The following KCNQ5 variants were observed in gnomAD, a reference collection of about 807,000 sequenced individuals.
KCNQ5 encodes the protein potassium voltage-gated channel subfamily KQT member 5.
In KCNQ5, 30 loss-of-function variants were observed where a neutral mutation model predicts 98.2. The ratio of observed to expected loss-of-function variants is 0.31; its 90% CI spans 0.23 to 0.41. The LOEUF is 0.41. KCNQ5 is among the 10% of genes least tolerant of loss of function. KCNQ5 has a pLI of 1.00. For missense variants in KCNQ5, 835 were observed against 1,182.5 expected (o/e 0.71, Z 4.31); for synonymous variants, 458 against 449.4 (o/e 1.02, Z -0.24).
intron 1 of KCNQ5, among the ~76,000 whole-genome samples, chr6:72,920,037 C>G (rs1235736473): frequency 1.3e-5 from 2 of 152,176 alleles, no homozygotes; most frequent in Non-Finnish European, 2.9e-5. Context: ...CACAGTGGCT[C>G]AAGCCTGAAA....
At chr6:73,048,544 G>T (rs990396338) in intron 3 of KCNQ5, among the ~76,000 whole-genome samples, 2 of 152,166 alleles carry the variant, frequency 1.3e-5, no homozygotes, top group African/African-American at 4.8e-5. Context: ...GGCCTAATAT[G>T]AATACTATTC....
chr6:72,761,368 T>C (rs1054801177), intron 1 of KCNQ5, among the ~76,000 whole-genome samples: 1 of 152,010 alleles, frequency 6.6e-6, no homozygotes, highest in Non-Finnish European at 1.5e-5. Context: ...TATATTTCAG[T>C]AGATTCAGAT....
intron 1 of KCNQ5, among the ~76,000 whole-genome samples, chr6:72,760,447 CGTGT>C (rs10607088): frequency 0.26 from 38,864 of 147,740 alleles, 4,972 homozygotes; most frequent in Admixed American, 0.31. Flanking sequence ...TTCAGGAGTA[CGTGT>C]GTGTGTGTGT....
At chr6:72,757,188 A>G (rs112075158) in intron 1 of KCNQ5, among the ~76,000 whole-genome samples, 21 of 152,144 alleles carry the variant, frequency 1.4e-4, no homozygotes, top group Non-Finnish European at 2.8e-4. Context: ...AGTTTTTCAT[A>G]TAGTGTGCTC....
At chr6:72,781,221 C>T (rs907037157) in intron 1 of KCNQ5, among the ~76,000 whole-genome samples, 1 of 152,112 alleles carries the variant, frequency 6.6e-6, no homozygotes, top group Admixed American at 6.6e-5. Flanking sequence ...TGGGATGATG[C>T]AGCCACAAGC....
At chr6:73,072,218 A>G (rs1163361017) in intron 3 of KCNQ5, among the ~76,000 whole-genome samples, 1 of 152,204 alleles carries the variant, frequency 6.6e-6, no homozygotes, top group Non-Finnish European at 1.5e-5. Flanking sequence ...GTCTCCAGAC[A>G]GTTTCTAGAA....
intron 11 of KCNQ5, among the ~76,000 whole-genome samples, chr6:73,176,472 A>G (rs1778217982): frequency 6.6e-6 from 1 of 152,094 alleles, no homozygotes; most frequent in African/African-American, 2.4e-5. Context: ...TTATTTATAA[A>G]TTTTTCAGTC....
intron 1 of KCNQ5, among the ~76,000 whole-genome samples, chr6:72,717,839 C>A (rs539809611): frequency 6.6e-6 from 1 of 152,244 alleles, no homozygotes; most frequent in South Asian, 2.1e-4. Context: ...ATATTCCTAG[C>A]ACTAAGGAGG....
intron 1 of KCNQ5, among the ~76,000 whole-genome samples, chr6:72,672,058 C>T (rs1189375476): frequency 2.0e-5 from 3 of 151,626 alleles, no homozygotes; most frequent in African/African-American, 4.8e-5. Flanking sequence ...CCTCATGATC[C>T]GCCCGCCTCG....
intron 1 of KCNQ5, among the ~76,000 whole-genome samples, chr6:72,696,638 T>A (rs1768518566): frequency 6.6e-6 from 1 of 152,208 alleles, no homozygotes; most frequent in Admixed American, 6.5e-5. Flanking sequence ...AAATTAGTGT[T>A]ATTTATAGGT....
At position 73,197,341 on chromosome 6, in the gene KCNQ5, A is replaced by AAAGC. The variant is rs1425103822; in HGVS notation, c.*1928_*1931dup. 1 of 152,202 alleles carries AAAGC rather than the reference A, an allele frequency of 6.6e-6. No homozygotes were observed. Among genetic ancestry groups the AAAGC allele is most frequent in the African/African-American group, 2.4e-5 (1 of 41,442 alleles). The allele number at this position is 152,202 out of a possible 1,614,324, so 9.4% of individuals were successfully genotyped here. A position where few individuals can be genotyped will look rare whatever the true frequency, so the allele number is the denominator to read the frequency against. On this transcript the variant is annotated 3_prime_UTR_variant, in exon 14 of 14. Transcript: ENST00000370398. Reference sequence around the variant, plus strand: ...CCTTTTGATAAACATGGAAATTTTTAAAGCTTCCTCTTCGCATCCCACTTG... The same window carrying AAAGC: ...CCTTTTGATAAACATGGAAATTTTTAAAGCAAGCTTCCTCTTCGCATCCCACTTG...
chr6:73,146,109 C>T (rs1247060851), intron 10 of KCNQ5, among the ~76,000 whole-genome samples: 2 of 152,166 alleles, frequency 1.3e-5, no homozygotes, highest in African/African-American at 2.4e-5. Flanking sequence ...TTAGAATTCT[C>T]CAGCAGATTT....
Position 73,190,564 on chromosome 6 carries a change from C to A in KCNQ5, c.1578-9C>A, listed in dbSNP as rs1317335485. ...TATAAAGATTAATATGTAATATGTT[C>A]TCATACAGAATTATGAAATTTCATG... On this transcript the variant is annotated splice_polypyrimidine_tract_variant and intron_variant, in intron 11 of 13. Coordinates refer to ENST00000370398, the MANE Select transcript of KCNQ5 (RefSeq NM_019842.4). The A allele has an allele frequency of 8.4e-6, 12 of 1,426,050 alleles. No homozygotes were observed. The highest frequency in any genetic ancestry group is 1.4e-5 in the South Asian group (1 of 73,346). The allele number at this position is 1,426,050 out of a possible 1,614,324, so 88.3% of individuals were successfully genotyped here. A position where few individuals can be genotyped will look rare whatever the true frequency, so the allele number is the denominator to read the frequency against.
At chr6:73,145,870 C>T (rs1002020596) in intron 10 of KCNQ5, among the ~76,000 whole-genome samples, 2 of 152,168 alleles carry the variant, frequency 1.3e-5, no homozygotes, top group Admixed American at 1.3e-4. Flanking sequence ...AACTTACAGT[C>T]ATGTCAGAAG....
intron 1 of KCNQ5, among the ~76,000 whole-genome samples, chr6:72,821,353 TTCTC>T (rs1341317993): frequency 6.6e-6 from 1 of 152,216 alleles, no homozygotes; most frequent in Non-Finnish European, 1.5e-5. Flanking sequence ...TCTAATTCTC[TTCTC>T]TCTAACATGT....
chr6:72,682,753 G>A (rs1285373767), intron 1 of KCNQ5, among the ~76,000 whole-genome samples: 1 of 152,204 alleles, frequency 6.6e-6, no homozygotes, highest in African/African-American at 2.4e-5. Context: ...ACAAGGGTGG[G>A]ACTGGGATGG....
intron 1 of KCNQ5, among the ~76,000 whole-genome samples, chr6:72,658,634 G>A (rs1766341205): frequency 7.0e-6 from 1 of 142,746 alleles, no homozygotes; most frequent in Non-Finnish European, 1.5e-5. Context: ...AGGCTGGAGT[G>A]CAGTGGCACG....
intron 1 of KCNQ5, among the ~76,000 whole-genome samples, chr6:72,667,534 G>A (rs1378826166): frequency 6.6e-6 from 1 of 152,078 alleles, no homozygotes; most frequent in Non-Finnish European, 1.5e-5. Context: ...AGAGATGAAG[G>A]AGACATAGGA....
intron 1 of KCNQ5, among the ~76,000 whole-genome samples, chr6:72,633,056 T>C (rs1361596420): frequency 6.6e-6 from 1 of 152,208 alleles, no homozygotes; most frequent in African/African-American, 2.4e-5. Flanking sequence ...TAACAGTGTA[T>C]AGGTGGTCCC....
Sources: gnomAD v4.1 joint callset for allele counts (sites outside exome capture counted in the v4.1 genomes callset) on GRCh38, gnomAD v4.1.1 for gene constraint, MANE v1.5 for transcripts, NCBI Gene and HGNC (gene_info 2026-07-23, HGNC 2026-07-21) for gene names.